The following ARHGAP15 variants were observed in gnomAD, a reference collection of about 807,000 sequenced individuals.
ARHGAP15 encodes Rho GTPase activating protein 15.
Under a neutral mutation model 63.7 loss-of-function variants are expected in ARHGAP15, and 51 were observed. The observed-to-expected ratio is 0.80, with a 90% CI of 0.64 to 1.01. The LOEUF (loss-of-function observed/expected upper bound fraction) is 1.01, where lower values mean the gene tolerates loss of function less well. ARHGAP15 is among the 50% of genes least tolerant of loss of function. ARHGAP15 has a pLI of 0.00. For synonymous variants in ARHGAP15, 191 were observed against 193.8 expected (o/e 0.99, Z 0.12); for missense variants, 560 against 564.6 (o/e 0.99, Z 0.08).
At chr2:143,611,978 G>A (rs1417190752) in intron 11 of ARHGAP15, among the ~76,000 whole-genome samples, 2 of 151,932 alleles carry the variant, frequency 1.3e-5, no homozygotes, top group South Asian at 2.1e-4. Flanking sequence ...CTGTTTCCAG[G>A]GTCTTCTAAC....
chr2:143,252,995 A>C (rs1055141823), intron 6 of ARHGAP15, among the ~76,000 whole-genome samples: 2 of 152,058 alleles, frequency 1.3e-5, no homozygotes, highest in Admixed American at 1.3e-4. Context: ...AGAATAATGA[A>C]GTGTTTCTTC....
chr2:143,646,950 TGA>T lies in ARHGAP15; in HGVS notation c.1138+22685_1138+22686del, dbSNP rs1444898939. On this transcript the variant is annotated intron_variant, in intron 12 of 13. Coordinates refer to ENST00000295095, the MANE Select transcript of ARHGAP15 (RefSeq NM_018460.4). ...ATGGTCAGTTTCTTTCTGCCTGTGTTGAGTTTCTTTTCACCCACATACTCTTT... is the reference window on the plus strand; with the variant it reads ...ATGGTCAGTTTCTTTCTGCCTGTGTTGTTTCTTTTCACCCACATACTCTTT... 2.6e-5 allele frequency among the ~76,000 whole-genome samples: 4 copies of T among 152,028 alleles called. No individual in the cohort carries two copies. In the East Asian group the frequency reaches 7.8e-4, roughly 29 times the overall value.
At chr2:143,147,553 A>G (rs767179830) in intron 1 of ARHGAP15, among the ~76,000 whole-genome samples, 5 of 151,936 alleles carry the variant, frequency 3.3e-5, no homozygotes, top group Non-Finnish European at 5.9e-5. Context: ...TTGCTTTTCA[A>G]TTTTTTACTA....
chr2:143,591,883 G>T (rs545176845), intron 11 of ARHGAP15, among the ~76,000 whole-genome samples: 1 of 152,156 alleles, frequency 6.6e-6, no homozygotes, highest in African/African-American at 2.4e-5. Context: ...GCCTCCCAAA[G>T]TGCTGGGATT....
In ARHGAP15 at chr2:143,189,567, C is replaced by A. The variant is rs559759284; in HGVS notation, c.166-12567C>A. ...AACCTCCCCTCTCAGGTTCAAGCGA[C>A]TCTCATGCCTCAGCCTCCCAAATAG... is the stretch of plus-strand genomic sequence containing the variant. On this transcript the variant is annotated intron_variant, in intron 2 of 13. Coordinates refer to ENST00000295095, the MANE Select transcript of ARHGAP15 (RefSeq NM_018460.4). Among the ~76,000 whole-genome samples the A allele has an allele frequency of 4.6e-5, 7 of 150,992 alleles. 1 individual carries two copies. In the East Asian group the frequency reaches 1.4e-3, roughly 29 times the overall value.
At chr2:143,584,010 C>T (rs768054255) in intron 11 of ARHGAP15, among the ~76,000 whole-genome samples, 5 of 152,128 alleles carry the variant, frequency 3.3e-5, no homozygotes, top group Admixed American at 6.6e-5. Context: ...TTTGCATTCT[C>T]CTTTGACTGA....
chr2:143,207,038 T>G (rs1053798931), intron 3 of ARHGAP15, among the ~76,000 whole-genome samples: 6 of 151,338 alleles, frequency 4.0e-5, no homozygotes, highest in Non-Finnish European at 7.4e-5. Flanking sequence ...AAAATCCAAA[T>G]TATAGTTATT....
chr2:143,673,748 G>GTATATATATATATA (rs869099523), intron 12 of ARHGAP15, among the ~76,000 whole-genome samples: 377 of 33,878 alleles, frequency 0.011, 10 homozygotes, highest in Non-Finnish European at 0.023. Flanking sequence ...GTGTGTGTGT[G>GTATATATATATATA]TGTGTGTGTG....
chr2:143,364,228 C>T (rs1193975729), intron 6 of ARHGAP15, among the ~76,000 whole-genome samples: 1 of 151,760 alleles, frequency 6.6e-6, no homozygotes, highest in Non-Finnish European at 1.5e-5. Context: ...AACATTCAAT[C>T]ATCCATTACA....
In ARHGAP15 at chr2:143,489,880, G is replaced by T. The variant is rs185509484; in HGVS notation, c.826+2385G>T. Among the ~76,000 whole-genome samples the T allele has an allele frequency of 1.4e-3, 220 of 152,286 alleles. 1 individual carries two copies. Among genetic ancestry groups the T allele is most frequent in the African/African-American group, 5.1e-3 (213 of 41,554 alleles). Reference sequence around the variant, plus strand: ...CTAATCTTCCAGATCGGCACAAAAGGCCTCTATTACCAAGGTTCAGGAAAG... The same window carrying T: ...CTAATCTTCCAGATCGGCACAAAAGTCCTCTATTACCAAGGTTCAGGAAAG... On this transcript the variant is annotated intron_variant, in intron 9 of 13. Coordinates refer to ENST00000295095, the MANE Select transcript of ARHGAP15 (RefSeq NM_018460.4).
chr2:143,597,585 T>C (rs1174623704), intron 11 of ARHGAP15, among the ~76,000 whole-genome samples: 1 of 152,086 alleles, frequency 6.6e-6, no homozygotes, highest in East Asian at 1.9e-4. Flanking sequence ...GAGACCTTAA[T>C]CTCAAAGGAG....
At chr2:143,376,663 C>T (rs1217277804) in intron 6 of ARHGAP15, among the ~76,000 whole-genome samples, 2 of 151,602 alleles carry the variant, frequency 1.3e-5, no homozygotes, top group African/African-American at 2.4e-5. Context: ...AAAGGGTATG[C>T]CATATAAAAT....
chr2:143,580,964 T>A (rs893214619), intron 11 of ARHGAP15, among the ~76,000 whole-genome samples: 2 of 152,198 alleles, frequency 1.3e-5, no homozygotes, highest in Admixed American at 6.6e-5. Context: ...GGCTAGGTAC[T>A]GTATGTGCTA....
intron 3 of ARHGAP15, among the ~76,000 whole-genome samples, chr2:143,215,273 TTTC>T (rs1692709723): frequency 6.8e-6 from 1 of 146,030 alleles, no homozygotes; most frequent in Non-Finnish European, 1.5e-5. Flanking sequence ...AAAATTTGGT[TTTC>T]TTCTTATTTT....
intron 9 of ARHGAP15, among the ~76,000 whole-genome samples, chr2:143,507,808 C>A (rs1221043586): frequency 1.3e-5 from 2 of 152,172 alleles, no homozygotes; most frequent in African/African-American, 2.4e-5. Flanking sequence ...GCTTTCTACT[C>A]TGTCTCTTCC....
intron 12 of ARHGAP15, among the ~76,000 whole-genome samples, chr2:143,664,473 C>T (rs987136618): frequency 1.3e-5 from 2 of 151,976 alleles, no homozygotes; most frequent in African/African-American, 4.8e-5. Flanking sequence ...CAGTAAAGAT[C>T]CAAAATTGGC....
At chr2:143,662,175 CT>C (rs1325483691) in intron 12 of ARHGAP15, among the ~76,000 whole-genome samples, 1 of 152,218 alleles carries the variant, frequency 6.6e-6, no homozygotes, top group African/African-American at 2.4e-5. Flanking sequence ...TGTCTGACAG[CT>C]TTGAAGAGAG....
chr2:143,348,147 CAGTCATTT>C (rs749412341), intron 6 of ARHGAP15, among the ~76,000 whole-genome samples: 4 of 152,132 alleles, frequency 2.6e-5, no homozygotes, highest in Non-Finnish European at 4.4e-5. Context: ...TCATATGTCA[CAGTCATTT>C]TTGTCATATT....
chr2:143,201,483 G>A (rs1290493027), intron 2 of ARHGAP15, among the ~76,000 whole-genome samples: 1 of 151,990 alleles, frequency 6.6e-6, no homozygotes, highest in Non-Finnish European at 1.5e-5. Flanking sequence ...ACTAACCCGA[G>A]CATTTATCAT....
Sources: allele counts gnomAD v4.1 joint callset (sites outside exome capture counted in the v4.1 genomes callset), GRCh38; gene constraint gnomAD v4.1.1; transcripts MANE v1.5; gene names NCBI Gene and HGNC (gene_info 2026-07-23, HGNC 2026-07-21).